The following PNPLA7 variants were observed in gnomAD, a reference collection of about 807,000 sequenced individuals.
PNPLA7 encodes the protein patatin like domain 7, lysophospholipase.
In PNPLA7, 153 loss-of-function variants were observed where a neutral mutation model predicts 161.7. That is an observed-to-expected ratio of 0.95 (90% CI 0.83 to 1.08). PNPLA7 has a LOEUF of 1.08. PNPLA7 is among the 50% of genes least tolerant of loss of function. The pLI, the probability that PNPLA7 is intolerant of heterozygous loss-of-function variation, is 0.00. For missense variants in PNPLA7, 1,739 were observed against 1,856.6 expected (o/e 0.94, Z 1.16); for synonymous variants, 809 against 782.1 (o/e 1.03, Z -0.57).
intron 11 of PNPLA7, among the ~76,000 whole-genome samples, chr9:137,519,625 GGAGACCTGGGGGGCCATCTGAT>G (rs1027027297): frequency 1.3e-5 from 2 of 152,042 alleles, no homozygotes; most frequent in East Asian, 1.9e-4. Context: ...GGACACGTGA[GGAGACCTGGGGGGCCATCTGAT>G]GAGACCTGGG....
chr9:137,486,795 C>T lies in PNPLA7; in HGVS notation c.2198-2059G>A. 6.6e-6 allele frequency among the ~76,000 whole-genome samples: 1 copy of T among 151,654 alleles called. No homozygotes were observed. Among genetic ancestry groups the T allele is most frequent in the South Asian group, 2.1e-4 (1 of 4,816 alleles). ...CTTCGACGCCCAAGTCTGCCCGGAGCCTTTTTTGCTCAAAGCCCCTGGTGC... is the reference window on the plus strand; with the variant it reads ...CTTCGACGCCCAAGTCTGCCCGGAGTCTTTTTTGCTCAAAGCCCCTGGTGC... On this transcript the variant is annotated intron_variant, in intron 20 of 34. Transcript: ENST00000406427. This position sits in a 1 kb window ranked among gnomAD's most constrained non-coding sequence, Gnocchi z 6.0.
chr9:137,463,049 G>A (rs1314210361), intron 29 of PNPLA7: 2 of 686,658 alleles, frequency 2.9e-6, no homozygotes, highest in Non-Finnish European at 4.8e-6. Context: ...TCCCACAGGT[G>A]ACAGGAGTGG....
At position 137,462,781 on chromosome 9, in the gene PNPLA7, G is replaced by C; in HGVS notation, c.3396C>G (p.Gly1132=). Residue 1132 remains glycine, a synonymous_variant, in exon 30 of 35, where the codon GGC becomes GGG. Transcript: ENST00000406427. Reference sequence around the variant, plus strand: ...TGGTGAGGTCCGTCTCATCTCGGCTGCCCACGTCAATGGCGATCACCACTT... The same window carrying C: ...TGGTGAGGTCCGTCTCATCTCGGCTCCCCACGTCAATGGCGATCACCACTT... ...GAKVVIAIDV[G]SRDETDLTNY... is the part of the protein sequence containing the mutation. 6.2e-7 allele frequency: 1 copy of C among 1,613,908 alleles called. No homozygotes were observed.
rs1279611681 is a variant in PNPLA7 at position 137,479,207 on chromosome 9, C to T, written c.2612G>A (p.Arg871His). ...LERMLESTAV[R>H]AQKQLILLHR... The stretch of plus-strand genomic sequence containing the variant: ...CAGCAGGATCAGCTGCTTCTGGGCA[C>T]GCACAGCTGTGCTCTCCAGCATCCG... Residue 871 changes from arginine (R) to histidine (H), a missense_variant, in exon 24 of 35, where the codon CGT becomes CAT. Physicochemically the swap from Arg to His is conservative, Grantham distance 29. Transcript: ENST00000406427. 7 of 1,555,294 alleles carry T rather than the reference C, an allele frequency of 4.5e-6. No individual in the cohort carries two copies. The highest frequency in any genetic ancestry group is 2.4e-5 in the East Asian group (1 of 41,610).
In PNPLA7 at chr9:137,460,442, C is replaced by T; in HGVS notation, c.3980G>A (p.Ser1327Asn). The T allele has an allele frequency of 1.9e-6, 3 of 1,612,772 alleles. No homozygotes were observed. The highest frequency in any genetic ancestry group is 2.5e-6 in the Non-Finnish European group (3 of 1,179,924). ...CTCAGACAGTTTTGGGAAAGCCAGA[C>T]TGGGGTGTCGATGCCGCAGTGAGGA... ...DESSLRHRHP[S>N]LAFPKLSEGS... The change falls in exon 35 of 35, where the codon AGT becomes AAT. Residue 1327 changes from serine to asparagine, a missense_variant. Physicochemically the swap from Ser to Asn is conservative, Grantham distance 46. Around this residue, in one of 6 missense-constraint regions of PNPLA7, gnomAD observed 703 missense variants for 694.6 expected, o/e 1.01. Transcript: ENST00000406427.
rs1452633638 is a variant in PNPLA7 at position 137,500,458 on chromosome 9, A to G, written c.1757+233T>C. On this transcript the variant is annotated intron_variant, in intron 16 of 34. Coordinates refer to ENST00000406427, the MANE Select transcript of PNPLA7 (RefSeq NM_001098537.3). This position sits in a 1 kb window ranked among gnomAD's most constrained non-coding sequence, Gnocchi z 5.5. ...GTGATAAATGGACACAGCTGGGACCAGACCACAGAGACGGCCGTGCGAAGC... is the reference window on the plus strand; with the variant it reads ...GTGATAAATGGACACAGCTGGGACCGGACCACAGAGACGGCCGTGCGAAGC... Among the ~76,000 whole-genome samples, 2 of 152,236 alleles carry G rather than the reference A, an allele frequency of 1.3e-5. No homozygotes were observed. The highest frequency in any genetic ancestry group is 2.9e-5 in the Non-Finnish European group (2 of 68,042).
chr9:137,548,318 C>T (rs1836654305), intron 1 of PNPLA7, among the ~76,000 whole-genome samples: 3 of 152,220 alleles, frequency 2.0e-5, no homozygotes, highest in South Asian at 4.1e-4. Context: ...ATCACACCTT[C>T]CTCCCAGGCA....
At position 137,524,441 on chromosome 9, in the gene PNPLA7, G is replaced by C. The variant is rs547757512; in HGVS notation, c.748-1584C>G. On this transcript the variant is annotated intron_variant, in intron 8 of 34. Coordinates refer to ENST00000406427, the MANE Select transcript of PNPLA7 (RefSeq NM_001098537.3). The surrounding 1 kb of genome is among the most constrained non-coding windows in gnomAD (Gnocchi z 4.4). ...TGCAGTGTCTCCTCGTGAAGGCCTC[G>C]CAGGGTCTCCGTCCATTCAGCAGTC... Among the ~76,000 whole-genome samples the C allele has an allele frequency of 1.3e-5, 2 of 152,306 alleles. No homozygotes were observed. The highest frequency in any genetic ancestry group is 1.9e-4 in the East Asian group (1 of 5,186).
chr9:137,480,596 C>G, intron 22 of PNPLA7, 116 bp from the exon 23 acceptor site: 4 of 1,159,644 alleles, frequency 3.4e-6, no homozygotes, highest in Non-Finnish European at 4.8e-6. Flanking sequence ...CTTCCCCTCC[C>G]TGCCCAGCAC....
At chr9:137,528,375 C>G (rs576307368) in intron 8 of PNPLA7, among the ~76,000 whole-genome samples, 60 of 152,172 alleles carry the variant, frequency 3.9e-4, no homozygotes, top group Non-Finnish European at 6.5e-4. Context: ...GAGCATTGCC[C>G]AGGCTGGAGT....
chr9:137,498,619 G>T (rs915765092), intron 16 of PNPLA7, among the ~76,000 whole-genome samples: 3 of 152,248 alleles, frequency 2.0e-5, no homozygotes, highest in African/African-American at 7.2e-5. Context: ...GCCGTGAAGG[G>T]CACCAGCAGG....
In PNPLA7 at chr9:137,502,875, G is replaced by A. The variant is rs556954612; in HGVS notation, c.1474-1148C>T. On this transcript the variant is annotated intron_variant, in intron 14 of 34. Coordinates refer to ENST00000406427, the MANE Select transcript of PNPLA7 (RefSeq NM_001098537.3). ...AGAAATGATAAGAGTATTGTGGTTAGAGATGAATCCTGAAATATCCACCAG... is the reference window on the plus strand; with the variant it reads ...AGAAATGATAAGAGTATTGTGGTTAAAGATGAATCCTGAAATATCCACCAG... Among the ~76,000 whole-genome samples the A allele has an allele frequency of 9.9e-5, 15 of 151,796 alleles. 1 individual carries two copies. In the South Asian group the frequency reaches 3.1e-3, roughly 32 times the overall value.
intron 14 of PNPLA7, among the ~76,000 whole-genome samples, chr9:137,502,590 G>C (rs1038051730): frequency 7.2e-6 from 1 of 138,178 alleles, no homozygotes; most frequent in Non-Finnish European, 1.5e-5. Context: ...CGCGTTGTCA[G>C]CCCGAGGAGG....
chr9:137,463,324 C>A (rs1831306639), intron 29 of PNPLA7, 91 bp downstream of exon 29: 13 of 1,184,720 alleles, frequency 1.1e-5, no homozygotes, highest in Admixed American at 4.4e-5. Context: ...GCCCAGGCTT[C>A]TTGGAGCGGA....
chr9:137,463,875 C>G (rs567327780), intron 28 of PNPLA7, among the ~76,000 whole-genome samples: 296 of 152,272 alleles, frequency 1.9e-3, no homozygotes, highest in Non-Finnish European at 3.3e-3. Context: ...CACATGGTAT[C>G]CATCAGTCTA....
intron 10 of PNPLA7, among the ~76,000 whole-genome samples, chr9:137,521,213 C>T (rs1019460557): frequency 4.6e-5 from 7 of 152,278 alleles, no homozygotes; most frequent in South Asian, 4.1e-4. Context: ...AGGGAAGGAG[C>T]GTGTGTGTGG....
At chr9:137,489,558 A>G (rs542344950) in intron 20 of PNPLA7, among the ~76,000 whole-genome samples, 1 of 152,366 alleles carries the variant, frequency 6.6e-6, no homozygotes, top group East Asian at 1.9e-4. Flanking sequence ...ACCGCATGTC[A>G]CAGACGGAAT....
chr9:137,515,664 G>T (rs547852444), intron 11 of PNPLA7, 145 bp from the exon 12 acceptor site: 4 of 1,074,376 alleles, frequency 3.7e-6, no homozygotes, highest in Non-Finnish European at 5.1e-6. Flanking sequence ...CGGCCACCAG[G>T]CCTCTGCATC....
intron 25 of PNPLA7, among the ~76,000 whole-genome samples, chr9:137,469,777 C>T (rs914571143): frequency 2.6e-5 from 4 of 152,128 alleles, no homozygotes; most frequent in South Asian, 2.1e-4. Context: ...ACCAATTCGA[C>T]GGACAGCCCG....
Sources: gnomAD v4.1 joint callset for allele counts (sites outside exome capture counted in the v4.1 genomes callset) on GRCh38, gnomAD v4.1.1 for gene constraint, gnomAD v4.1.1 regional missense constraint, Gnocchi (gnomAD v3.1) non-coding constraint, MANE v1.5 for transcripts, NCBI Gene and HGNC (gene_info 2026-07-23, HGNC 2026-07-21) for gene names.